The following RBFOX1 variants were observed in gnomAD, a reference collection of about 807,000 sequenced individuals.
The protein encoded by RBFOX1 is RNA binding protein fox-1 homolog 1.
RBFOX1 carries 8 observed loss-of-function variants against 57.7 expected under a neutral mutation model. The ratio of observed to expected loss-of-function variants is 0.14; its 90% CI spans 0.08 to 0.25. The LOEUF (loss-of-function observed/expected upper bound fraction) is 0.25. RBFOX1 is among the 10% of genes least tolerant of loss of function. The probability of loss-of-function intolerance (pLI) is 1.00; values close to 1 mark genes in which losing one functional copy is unlikely to be tolerated. For synonymous variants in RBFOX1, 326 were observed against 222.4 expected, an observed-to-expected ratio of 1.47 and a Z score of -4.15; for missense variants, 611 against 548.5, an observed-to-expected ratio of 1.11 and a Z score of -1.14.
chr16:7,503,758 A>G (rs1039666545), intron 4 of RBFOX1, among the ~76,000 whole-genome samples: 3 of 152,164 alleles, frequency 2.0e-5, no homozygotes, highest in Non-Finnish European at 4.4e-5. Context: ...TTTCCCTTAC[A>G]AAAATTCACT....
Position 7,702,315 on chromosome 16 carries a change from G to T in RBFOX1, c.996-6741G>T, listed in dbSNP as rs1344108205. 4.6e-5 allele frequency among the ~76,000 whole-genome samples: 7 copies of T among 152,116 alleles called. No homozygotes were observed. The South Asian group carries it at 6.2e-4, about 14-fold the overall frequency. On this transcript the variant is annotated intron_variant, in intron 14 of 15. Transcript: ENST00000550418. ...CCCATATTCTGGGCTACATTTCTTT[G>T]TCCTTTGAAGTGAGCTTTTGTCTCC...
intron 3 of RBFOX1, among the ~76,000 whole-genome samples, chr16:5,810,715 C>T (rs1350735161): frequency 6.6e-6 from 1 of 152,192 alleles, no homozygotes; most frequent in Non-Finnish European, 1.5e-5. Flanking sequence ...ACTTCCATCC[C>T]ATTTGGGACT....
In RBFOX1 at chr16:7,189,403, G is replaced by T. The variant is rs557270763; in HGVS notation, c.27+137305G>T. ...ATCGCGCCACTGCACTCCAGCCTGG[G>T]CGACAGAGCGAGACTCCCTCTCAAA... On this transcript the variant is annotated intron_variant, in intron 4 of 15. Coordinates refer to ENST00000550418, the MANE Select transcript of RBFOX1 (RefSeq NM_018723.4). Among the ~76,000 whole-genome samples the T allele has an allele frequency of 1.3e-3, 169 of 132,074 alleles. 1 individual carries two copies. Among genetic ancestry groups the T allele is most frequent in the African/African-American group, 4.9e-3 (168 of 34,522 alleles). 86.6% of individuals were successfully genotyped at this position (132,074 alleles called of 152,430 possible). A position where few individuals can be genotyped will look rare whatever the true frequency, so the allele number is the denominator to read the frequency against.
At chr16:6,431,493 T>G (rs2094083341) in intron 2 of RBFOX1, among the ~76,000 whole-genome samples, 1 of 152,026 alleles carries the variant, frequency 6.6e-6, no homozygotes, top group African/African-American at 2.4e-5. Flanking sequence ...ACCAGGTATC[T>G]GAGTAAATGT....
At chr16:6,741,733 G>A (rs1396949559) in intron 3 of RBFOX1, among the ~76,000 whole-genome samples, 1 of 151,512 alleles carries the variant, frequency 6.6e-6, no homozygotes, top group Non-Finnish European at 1.5e-5. Flanking sequence ...GGAAAGAAAA[G>A]CTATAATGTG....
chr16:6,787,910 C>G (rs747881456), intron 3 of RBFOX1, among the ~76,000 whole-genome samples: 5 of 152,158 alleles, frequency 3.3e-5, no homozygotes, highest in African/African-American at 9.7e-5. Flanking sequence ...GCCAATCTGT[C>G]ATTACTAAAC....
At chr16:7,556,388 T>A (rs1344827295) in intron 5 of RBFOX1, among the ~76,000 whole-genome samples, 2 of 152,180 alleles carry the variant, frequency 1.3e-5, no homozygotes, top group African/African-American at 4.8e-5. Context: ...AGTCAGTAGT[T>A]GTTTGAGTAA....
chr16:6,519,116 A>C (rs1489852367), intron 2 of RBFOX1, among the ~76,000 whole-genome samples: 1 of 151,914 alleles, frequency 6.6e-6, no homozygotes, highest in Non-Finnish European at 1.5e-5. Context: ...CAAAGTGGAA[A>C]GCTTGACTTG....
At chr16:6,695,640 G>A (rs994847856) in intron 3 of RBFOX1, among the ~76,000 whole-genome samples, 41 of 152,054 alleles carry the variant, frequency 2.7e-4, no homozygotes, top group African/African-American at 9.2e-4. Flanking sequence ...AGAATATATT[G>A]TAAAAGACGA....
chr16:7,552,433 CT>C (rs2086846982), intron 5 of RBFOX1, among the ~76,000 whole-genome samples: 1 of 152,114 alleles, frequency 6.6e-6, no homozygotes, highest in Admixed American at 6.5e-5. Context: ...GAAGCCTTTT[CT>C]TTAGCAGCAG....
chr16:7,415,303 C>A (rs139861713), intron 4 of RBFOX1, among the ~76,000 whole-genome samples: 1 of 152,102 alleles, frequency 6.6e-6, no homozygotes, highest in African/African-American at 2.4e-5. Flanking sequence ...GCATTATAAT[C>A]CAAGATAAAT....
chr16:6,995,689 G>T (rs896269911), intron 3 of RBFOX1, among the ~76,000 whole-genome samples: 2 of 152,014 alleles, frequency 1.3e-5, no homozygotes, highest in South Asian at 4.2e-4. Context: ...GAACCTGGGA[G>T]CACAGAGGTT....
chr16:5,801,326 TCTCC>T (rs2055048034), intron 3 of RBFOX1, among the ~76,000 whole-genome samples: 1 of 148,102 alleles, frequency 6.8e-6, no homozygotes, highest in Non-Finnish European at 1.5e-5. Context: ...TCTGCCTCTC[TCTCC>T]CTCCCTCTCT....
chr16:6,772,051 A>C (rs1268025031), intron 3 of RBFOX1, among the ~76,000 whole-genome samples: 1 of 152,108 alleles, frequency 6.6e-6, no homozygotes, highest in Admixed American at 6.6e-5. Context: ...TAGGAAAACT[A>C]TGAGGTGCTG....
chr16:6,453,860 G>A (rs77540796), intron 2 of RBFOX1, among the ~76,000 whole-genome samples: 137 of 152,314 alleles, frequency 9.0e-4, no homozygotes, highest in Middle Eastern at 6.8e-3. Flanking sequence ...TGGATGGCAC[G>A]GATATGTGAG....
At chr16:5,883,223 G>C (rs2057807720) in intron 4 of RBFOX1, among the ~76,000 whole-genome samples, 1 of 151,954 alleles carries the variant, frequency 6.6e-6, no homozygotes, top group African/African-American at 2.4e-5. Context: ...TGGAACAAAA[G>C]CAACACATTA....
At chr16:5,488,905 A>G (rs1221570732) in intron 2 of RBFOX1, among the ~76,000 whole-genome samples, 3 of 152,194 alleles carry the variant, frequency 2.0e-5, no homozygotes, top group East Asian at 1.9e-4. Flanking sequence ...TGGTGATACA[A>G]TAGCTAAAAC....
chr16:7,511,021 C>G (rs186011912), intron 4 of RBFOX1, among the ~76,000 whole-genome samples: 1 of 152,252 alleles, frequency 6.6e-6, no homozygotes. Flanking sequence ...AGAAGTTTGA[C>G]TATAAAGGTG....
At chr16:7,695,687 C>G (rs1397440355) in intron 14 of RBFOX1, among the ~76,000 whole-genome samples, 2 of 150,404 alleles carry the variant, frequency 1.3e-5, no homozygotes, top group Non-Finnish European at 3.0e-5. Flanking sequence ...GCTGTGCCCA[C>G]TACCCACATT....
Sources: allele counts gnomAD v4.1 joint callset (sites outside exome capture counted in the v4.1 genomes callset), GRCh38; gene constraint gnomAD v4.1.1; transcripts MANE v1.5; gene names NCBI Gene and HGNC (gene_info 2026-07-23, HGNC 2026-07-21).